Variants in EXOC6 observed in about 807,000 individuals in gnomAD.
EXOC6 encodes SEC15-like 1.
EXOC6 carries 60 observed loss-of-function variants against 112.5 expected under a neutral mutation model. The observed-to-expected ratio is 0.53, with a 90% CI of 0.43 to 0.66. EXOC6 has a LOEUF of 0.66. Among genes scored for constraint, EXOC6 ranks in the 30% least tolerant of loss-of-function variants. The pLI, the probability that EXOC6 is intolerant of heterozygous loss-of-function variation, is 0.00. For missense variants in EXOC6, 855 were observed against 957.1 expected, an observed-to-expected ratio of 0.89 and a Z score of 1.41; for synonymous variants, 295 against 308.0, an observed-to-expected ratio of 0.96 and a Z score of 0.44.
chr10:93,042,710 TG>T (rs1845837428), intron 20 of EXOC6, among the ~76,000 whole-genome samples: 1 of 152,182 alleles, frequency 6.6e-6, no homozygotes, highest in Non-Finnish European at 1.5e-5. Flanking sequence ...ACTCGATCTG[TG>T]GTACTTTGTT....
intron 1 of EXOC6, among the ~76,000 whole-genome samples, chr10:92,861,263 G>T (rs559755831): frequency 6.6e-6 from 1 of 152,266 alleles, no homozygotes; most frequent in African/African-American, 2.4e-5. Flanking sequence ...TAGATCTGGG[G>T]GCACGAACAG....
chr10:92,923,791 C>A (rs928802915), intron 8 of EXOC6, among the ~76,000 whole-genome samples: 1 of 152,126 alleles, frequency 6.6e-6, no homozygotes, highest in Non-Finnish European at 1.5e-5. Context: ...GGTATGAATA[C>A]CATGAGGTGG....
chr10:93,011,332 G>C (rs2478232), intron 19 of EXOC6, among the ~76,000 whole-genome samples: 97,010 of 151,766 alleles, frequency 0.64, 33,827 homozygotes, highest in East Asian at 0.99. Context: ...TCATGGCTCA[G>C]TGCAGCCTCA....
chr10:93,016,489 A>G (rs1844522180), intron 20 of EXOC6, among the ~76,000 whole-genome samples: 1 of 152,044 alleles, frequency 6.6e-6, no homozygotes, highest in Non-Finnish European at 1.5e-5. Context: ...GATATTTGAC[A>G]TACTTCCCCA....
intron 20 of EXOC6, among the ~76,000 whole-genome samples, chr10:93,037,385 C>G (rs1040286643): frequency 6.6e-6 from 1 of 151,740 alleles, no homozygotes. Flanking sequence ...AGCGATCCAC[C>G]TCAGCCACCC....
chr10:92,969,561 T>G (rs531263557), intron 17 of EXOC6, among the ~76,000 whole-genome samples: 1 of 152,206 alleles, frequency 6.6e-6, no homozygotes, highest in Non-Finnish European at 1.5e-5. Context: ...CCATGTAGCT[T>G]TTCCTCCATG....
At chr10:92,837,103 C>CACACACAT (rs1846683586) in intron 1 of EXOC6, among the ~76,000 whole-genome samples, 2 of 149,052 alleles carry the variant, frequency 1.3e-5, no homozygotes, top group South Asian at 4.2e-4. Context: ...ACATAACACA[C>CACACACAT]ACACACACAC....
intron 1 of EXOC6, among the ~76,000 whole-genome samples, chr10:92,827,254 G>A (rs544602927): frequency 4.8e-4 from 73 of 151,522 alleles, no homozygotes; most frequent in African/African-American, 1.7e-3. Context: ...TGGGCAGATC[G>A]CTTGAGCTCA....
chr10:92,955,732 C>A lies in EXOC6; in HGVS notation c.1773+18C>A. The A allele has an allele frequency of 6.3e-7, 1 of 1,595,804 alleles. No homozygotes were observed. The highest frequency in any genetic ancestry group is 1.1e-5 in the South Asian group (1 of 88,384). On this transcript the variant is annotated intron_variant, in intron 17 of 21. Coordinates refer to ENST00000260762, the MANE Select transcript of EXOC6 (RefSeq NM_019053.6). Reference sequence around the variant, plus strand: ...CTTTCAAGGTATGTAAAAATTTGACCAAAAGTTTTCATTTCAGTCACTGTA... The same window carrying A: ...CTTTCAAGGTATGTAAAAATTTGACAAAAAGTTTTCATTTCAGTCACTGTA...
intron 1 of EXOC6, among the ~76,000 whole-genome samples, chr10:92,876,875 A>G (rs987853984): frequency 1.3e-5 from 2 of 152,184 alleles, no homozygotes; most frequent in Non-Finnish European, 2.9e-5. Context: ...AAACAATGCA[A>G]TCCTTTCCTA....
chr10:92,903,433 A>G (rs1850284699), intron 5 of EXOC6, among the ~76,000 whole-genome samples: 1 of 151,512 alleles, frequency 6.6e-6, no homozygotes, highest in Non-Finnish European at 1.5e-5. Context: ...TTTAGACTGT[A>G]GAAAGAAAGG....
chr10:92,961,865 A>T (rs1313969450), intron 17 of EXOC6, among the ~76,000 whole-genome samples: 2 of 152,188 alleles, frequency 1.3e-5, no homozygotes, highest in Non-Finnish European at 2.9e-5. Flanking sequence ...CAACCACTTA[A>T]GGAGTGGCAG....
intron 1 of EXOC6, among the ~76,000 whole-genome samples, chr10:92,877,907 A>G (rs1848753104): frequency 6.6e-6 from 1 of 152,248 alleles, no homozygotes; most frequent in Admixed American, 6.5e-5. Flanking sequence ...TTGCATAGAT[A>G]ATGCAGATAG....
chr10:92,862,803 T>C (rs1013367907), intron 1 of EXOC6, among the ~76,000 whole-genome samples: 2 of 152,248 alleles, frequency 1.3e-5, no homozygotes, highest in Admixed American at 1.3e-4. Context: ...TTCTACCTTT[T>C]GGTGGTTGAG....
Position 92,919,990 on chromosome 10 carries a change from T to G in EXOC6, c.828T>G (p.Thr276=), listed in dbSNP as rs1323447358. The G allele has an allele frequency of 6.2e-7, 1 of 1,600,406 alleles. No homozygotes were observed. The highest frequency in any genetic ancestry group is 8.5e-7 in the Non-Finnish European group (1 of 1,172,876). The change falls in exon 8 of 22, where the codon ACT becomes ACG. Residue 276 remains threonine (T), a synonymous_variant. Coordinates refer to ENST00000260762, the MANE Select transcript of EXOC6 (RefSeq NM_019053.6). ...AATGGTTTAATTTTCAGATCTTAAC[T>G]GTTCAGGATCTTGTTGATTTTTCCC... ...EEDENEEEIL[T]VQDLVDFSPV...
At chr10:92,978,791 T>C (rs1842724789) in intron 18 of EXOC6, among the ~76,000 whole-genome samples, 1 of 152,180 alleles carries the variant, frequency 6.6e-6, no homozygotes, top group Non-Finnish European at 1.5e-5. Context: ...TCAAAGAAGC[T>C]TCAGACGAAG....
At chr10:92,898,004 G>C (rs984922453) in intron 4 of EXOC6, among the ~76,000 whole-genome samples, 1 of 152,098 alleles carries the variant, frequency 6.6e-6, no homozygotes, top group Non-Finnish European at 1.5e-5. Flanking sequence ...TTTCTACATT[G>C]ACTGAGACCT....
intron 17 of EXOC6, among the ~76,000 whole-genome samples, chr10:92,972,609 T>C (rs952925769): frequency 6.6e-6 from 1 of 152,154 alleles, no homozygotes; most frequent in Non-Finnish European, 1.5e-5. Flanking sequence ...GAGTGTACAT[T>C]GAGCCCTGGG....
chr10:93,003,203 C>T (rs1292080486), intron 19 of EXOC6, among the ~76,000 whole-genome samples: 2 of 152,096 alleles, frequency 1.3e-5, no homozygotes, highest in Non-Finnish European at 2.9e-5. Context: ...ATTCTTGTTA[C>T]TCTGTGAAAA....
Sources: gnomAD v4.1 joint callset for allele counts (sites outside exome capture counted in the v4.1 genomes callset) on GRCh38, gnomAD v4.1.1 for gene constraint, MANE v1.5 for transcripts, NCBI Gene and HGNC (gene_info 2026-07-23, HGNC 2026-07-21) for gene names.